ATP11A: variants seen among roughly 807,000 people sequenced by gnomAD.
ATP11A encodes the protein ATPase phospholipid transporting 11A.
A neutral mutation model predicts 154.4 loss-of-function variants in ATP11A; 81 were observed. The observed-to-expected ratio is 0.52, with a 90% CI of 0.44 to 0.63. The LOEUF is 0.63. ATP11A is among the 30% of genes least tolerant of loss of function. The probability of loss-of-function intolerance (pLI) is 0.00; values close to 1 mark genes in which losing one functional copy is unlikely to be tolerated. For synonymous variants in ATP11A, 623 were observed against 585.9 expected, an observed-to-expected ratio of 1.06 and a Z score of -0.91; for missense variants, 1,316 against 1,474.3, an observed-to-expected ratio of 0.89 and a Z score of 1.76.
At position 112,854,391 on chromosome 13, in the gene ATP11A, A is replaced by G; in HGVS notation, c.2104A>G (p.Lys702Glu). The G allele has an allele frequency of 6.2e-7, 1 of 1,613,936 alleles. No homozygotes were observed. Among genetic ancestry groups the G allele is most frequent in the Non-Finnish European group, 8.5e-7 (1 of 1,180,042 alleles). The change falls in exon 19 of 30, where the codon AAG (lysine) becomes GAG (glutamate). Residue 702 changes from lysine (K) to glutamate (E), a missense_variant. This residue lies in a region of ATP11A where 876 missense variants were observed against 1,006.8 expected (regional missense o/e 0.87). Transcript: ENST00000375645. ...ETAAATCYAC[K>E]LFRRNTQLLE... ...GGCCGCGGCCACGTGCTACGCCTGC[A>G]AGCTCTTCCGCAGGAACACGCAGCT... is the stretch of plus-strand genomic sequence containing the variant.
Position 112,831,431 on chromosome 13 carries a change from C to G in ATP11A, c.1278C>G (p.Phe426Leu). The part of the protein sequence containing the change: ...TGTLTENNME[F>L]KECCIEGHVY... Reference sequence around the variant, plus strand: ...CCCTCACGGAAAACAACATGGAGTTCAAGGAGTGCTGCATCGAAGGCCATG... The same window carrying G: ...CCCTCACGGAAAACAACATGGAGTTGAAGGAGTGCTGCATCGAAGGCCATG... The change falls in exon 13 of 30, where the codon TTC becomes TTG. Residue 426 changes from phenylalanine to leucine, a missense_variant. By Grantham distance (22) the Phe-to-Leu change is conservative. This residue lies in a region of ATP11A where 876 missense variants were observed against 1,006.8 expected (regional missense o/e 0.87). Transcript: ENST00000375645. 1 of 1,614,200 alleles carries G rather than the reference C, an allele frequency of 6.2e-7. No homozygotes were observed. Among genetic ancestry groups the G allele is most frequent in the Non-Finnish European group, 8.5e-7 (1 of 1,180,028 alleles).
chr13:112,770,107 C>T (rs549664680), intron 1 of ATP11A, among the ~76,000 whole-genome samples: 2 of 152,308 alleles, frequency 1.3e-5, no homozygotes, highest in African/African-American at 2.4e-5. Flanking sequence ...TGTCTCGACT[C>T]TTAGGAAGCT....
At chr13:112,731,034 CAA>C (rs1890429809) in intron 1 of ATP11A, among the ~76,000 whole-genome samples, 1 of 152,154 alleles carries the variant, frequency 6.6e-6, no homozygotes, top group South Asian at 2.1e-4. Flanking sequence ...CTCCTGGGCT[CAA>C]GTGATTCTCC....
In ATP11A at chr13:112,871,770, C is replaced by T. The variant is rs1235964480; in HGVS notation, c.3027C>T (p.Phe1009=). The T allele has an allele frequency of 1.9e-6, 3 of 1,614,088 alleles. No individual in the cohort carries two copies. The highest frequency in any genetic ancestry group is 1.3e-5 in the African/African-American group (1 of 74,938). ...FGNWTFGTLV[F]TVMVFTVTLK... Reference sequence around the variant, plus strand: ...ACTGGACGTTTGGAACGCTGGTATTCACCGTGATGGTGTTCACAGTTACAC... The same window carrying T: ...ACTGGACGTTTGGAACGCTGGTATTTACCGTGATGGTGTTCACAGTTACAC... The change falls in exon 26 of 30, where the codon TTC becomes TTT. Residue 1009 remains phenylalanine (F), a synonymous_variant. Transcript: ENST00000375645.
At chr13:112,782,308 G>A (rs1163459413) in intron 1 of ATP11A, among the ~76,000 whole-genome samples, 1 of 152,140 alleles carries the variant, frequency 6.6e-6, no homozygotes, top group Non-Finnish European at 1.5e-5. Context: ...CCAGGGAAGC[G>A]TTCAGCTTTC....
chr13:112,858,153 G>A lies in ATP11A; in HGVS notation c.2530G>A (p.Gly844Ser), dbSNP rs182420615. The A allele has an allele frequency of 5.3e-5, 85 of 1,613,370 alleles. No homozygotes were observed. The East Asian group carries it at 7.1e-4, about 14-fold the overall frequency. ...TCACCTCCGTCTTCTAGGTGTCATCGGCAAGGAAGGCCGCCAGGCTGCCAG... is the reference window on the plus strand; with the variant it reads ...TCACCTCCGTCTTCTAGGTGTCATCAGCAAGGAAGGCCGCCAGGCTGCCAG... ...LEAHVGIGVI[G>S]KEGRQAARNS... is the part of the protein sequence containing the mutation. Residue 844 changes from glycine to serine, a missense_variant, in exon 22 of 30, where the codon GGC becomes AGC. Gly to Ser is a moderately conservative substitution (Grantham distance 56). Coordinates refer to ENST00000375645, the MANE Select transcript of ATP11A (RefSeq NM_015205.3).
chr13:112,738,533 T>C (rs1055400739), intron 1 of ATP11A, among the ~76,000 whole-genome samples: 1 of 152,172 alleles, frequency 6.6e-6, no homozygotes, highest in Admixed American at 6.5e-5. Flanking sequence ...GCTTGTTTCT[T>C]CTCACCAGAG....
chr13:112,813,753 G>A (rs2078567780), intron 5 of ATP11A, among the ~76,000 whole-genome samples: 1 of 151,844 alleles, frequency 6.6e-6, no homozygotes, highest in Admixed American at 6.6e-5. Context: ...ACCAGCACTG[G>A]GTGTTACTGC....
At chr13:112,792,430 G>T (rs1400162890) in intron 2 of ATP11A, among the ~76,000 whole-genome samples, 1 of 152,172 alleles carries the variant, frequency 6.6e-6, no homozygotes, top group Non-Finnish European at 1.5e-5. Flanking sequence ...CGGAGGAAAT[G>T]ATTTCTACCT....
intron 1 of ATP11A, among the ~76,000 whole-genome samples, chr13:112,721,780 T>C (rs112820585): frequency 1.3e-5 from 2 of 152,330 alleles, no homozygotes; most frequent in African/African-American, 4.8e-5. Context: ...AACTGCTTTT[T>C]TAGAGTGTTA....
At chr13:112,721,213 C>G (rs1323882968) in intron 1 of ATP11A, among the ~76,000 whole-genome samples, 2 of 152,102 alleles carry the variant, frequency 1.3e-5, no homozygotes, top group Non-Finnish European at 2.9e-5. Context: ...TTCTTGTAGC[C>G]TTAGGAATTT....
intron 14 of ATP11A, among the ~76,000 whole-genome samples, chr13:112,833,969 C>T (rs993500233): frequency 3.9e-5 from 6 of 152,342 alleles, no homozygotes; most frequent in East Asian, 1.9e-4. Flanking sequence ...CCTGGTGCCG[C>T]GAAGCACGTC....
In ATP11A at chr13:112,814,744, G is replaced by A. The variant is rs77527567; in HGVS notation, c.442-1339G>A. Among the ~76,000 whole-genome samples the A allele has an allele frequency of 5.8e-3, 876 of 152,236 alleles. 31 individuals carry two copies. Among genetic ancestry groups the A allele is most frequent in the Admixed American group, 0.042 (641 of 15,302 alleles). Reference sequence around the variant, plus strand: ...CCATGCCCACCAATCCCACACTGTTGGTCACTGTAGCTGTCTCAGAAGGCT... The same window carrying A: ...CCATGCCCACCAATCCCACACTGTTAGTCACTGTAGCTGTCTCAGAAGGCT... On this transcript the variant is annotated intron_variant, in intron 5 of 29. Coordinates refer to ENST00000375645, the MANE Select transcript of ATP11A (RefSeq NM_015205.3).
At chr13:112,706,711 G>A (rs1331759247) in intron 1 of ATP11A, among the ~76,000 whole-genome samples, 1 of 151,930 alleles carries the variant, frequency 6.6e-6, no homozygotes. Context: ...AATTTTTTTT[G>A]TTCTTATATT....
chr13:112,718,868 T>TG (rs1171573439), intron 1 of ATP11A, among the ~76,000 whole-genome samples: 1 of 151,972 alleles, frequency 6.6e-6, no homozygotes, highest in African/African-American at 2.4e-5. Flanking sequence ...TTAGTAGAGA[T>TG]GGGGTTTTAC....
intron 1 of ATP11A, among the ~76,000 whole-genome samples, chr13:112,691,463 C>CAAAA (rs34506401): frequency 1.2e-5 from 1 of 84,358 alleles, no homozygotes; most frequent in Admixed American, 1.3e-4. Context: ...GACTCTGTAT[C>CAAAA]AAAAAAAAAA....
intron 2 of ATP11A, among the ~76,000 whole-genome samples, chr13:112,786,687 A>G (rs142200320): frequency 0.019 from 2,113 of 109,812 alleles, 23 homozygotes; most frequent in Middle Eastern, 0.032. Context: ...TTCAGACTCC[A>G]TTTATCTTCA....
At position 112,766,876 on chromosome 13, in the gene ATP11A, A is replaced by G. The variant is rs11619829; in HGVS notation, c.40-18259A>G. On this transcript the variant is annotated intron_variant, in intron 1 of 29. Transcript: ENST00000375645. ...TGTGGGAAGGTGGGGAGGGTGTGGG[A>G]GTGCTGGGAGCCCCTGTGGAAAGGT... 7.5e-3 allele frequency among the ~76,000 whole-genome samples: 16 copies of G among 2,128 alleles called. 1 individual carries two copies. Among genetic ancestry groups the G allele is most frequent in the East Asian group, 0.12 (2 of 16 alleles). The allele number at this position is 2,128 out of a possible 152,430, so 1.4% of individuals were successfully genotyped here.
In ATP11A at chr13:112,859,439, G is replaced by A. The variant is rs1160693361; in HGVS notation, c.2714G>A (p.Gly905Glu). The A allele has an allele frequency of 6.2e-7, 1 of 1,613,976 alleles. No individual in the cohort carries two copies. The highest frequency in any genetic ancestry group is 8.5e-7 in the Non-Finnish European group (1 of 1,179,864). ...FPQFLYQFFC[G>E]FSQQTLYDTA... The stretch of plus-strand genomic sequence containing the variant: ...CAGTTTTTATACCAGTTCTTCTGTG[G>A]GTTTTCACAACAGGTCAGTCCTAGG... The change falls in exon 23 of 30, where the codon GGG (glycine) becomes GAG (glutamate). Residue 905 changes from glycine to glutamate, a missense_variant. Gly to Glu is a moderately conservative substitution (Grantham distance 98). Transcript: ENST00000375645. This position sits in a 1 kb window ranked among gnomAD's most constrained non-coding sequence, Gnocchi z 4.3.
Sources: allele counts gnomAD v4.1 joint callset (sites outside exome capture counted in the v4.1 genomes callset), GRCh38; gene constraint gnomAD v4.1.1; regional missense constraint gnomAD v4.1.1; non-coding constraint Gnocchi (gnomAD v3.1); transcripts MANE v1.5; gene names NCBI Gene and HGNC (gene_info 2026-07-23, HGNC 2026-07-21).